Variants in KIF5B observed in about 807,000 individuals in gnomAD.
KIF5B encodes kinesin family member 5B.
KIF5B carries 49 observed loss-of-function variants against 132.8 expected under a neutral mutation model. The observed-to-expected ratio is 0.37, with a 90% CI of 0.29 to 0.47. The LOEUF (loss-of-function observed/expected upper bound fraction) is 0.47. Among genes scored for constraint, KIF5B ranks in the 20% least tolerant of loss-of-function variants. The pLI, the probability that KIF5B is intolerant of heterozygous loss-of-function variation, is 1.00. For synonymous variants in KIF5B, 355 were observed against 369.4 expected (o/e 0.96, Z 0.45); for missense variants, 780 against 1,144.0 (o/e 0.68, Z 4.59).
chr10:32,013,340 A>G (rs749078398), intron 25 of KIF5B, among the ~76,000 whole-genome samples: 7 of 152,254 alleles, frequency 4.6e-5, no homozygotes, highest in Non-Finnish European at 1.0e-4. Flanking sequence ...CATATTATCT[A>G]TGACATAACT....
intron 8 of KIF5B, among the ~76,000 whole-genome samples, chr10:32,036,912 G>A (rs187199894): frequency 1.6e-4 from 24 of 152,100 alleles, no homozygotes; most frequent in Non-Finnish European, 2.2e-4. Flanking sequence ...AGTTTTAATA[G>A]GGACCCCACT....
chr10:32,017,903 T>A (rs1222470619), intron 23 of KIF5B, 149 bp downstream of exon 23: 3 of 466,502 alleles, frequency 6.4e-6, no homozygotes, highest in Non-Finnish European at 1.2e-5. Flanking sequence ...CTCTAAAAGT[T>A]ACTTATGGTT....
intron 15 of KIF5B, among the ~76,000 whole-genome samples, chr10:32,026,200 C>T (rs1483285901): frequency 6.6e-6 from 1 of 151,962 alleles, no homozygotes; most frequent in Non-Finnish European, 1.5e-5. Flanking sequence ...TCTGGGAGGC[C>T]GAGGTGGGCA....
chr10:32,038,739 A>C (rs774161112), intron 5 of KIF5B, 39 bp downstream of exon 5: 12 of 1,065,710 alleles, frequency 1.1e-5, no homozygotes, highest in Non-Finnish European at 1.7e-5. Flanking sequence ...AGGAATTAAC[A>C]GATGTTATTT....
intron 1 of KIF5B, among the ~76,000 whole-genome samples, chr10:32,052,157 C>G (rs1841701642): frequency 6.6e-6 from 1 of 152,180 alleles, no homozygotes; most frequent in Non-Finnish European, 1.5e-5. Context: ...ATGAAGGACA[C>G]CCTTCTGGCA....
intron 1 of KIF5B, among the ~76,000 whole-genome samples, chr10:32,051,684 T>A (rs890822997): frequency 2.0e-5 from 3 of 152,194 alleles, no homozygotes; most frequent in African/African-American, 7.2e-5. Flanking sequence ...AACAGTCTTA[T>A]CTTGATTGCA....
chr10:32,022,853 A>T lies in KIF5B; in HGVS notation c.1909T>A (p.Ser637Thr). 1 of 1,602,934 alleles carries T rather than the reference A, an allele frequency of 6.2e-7. No homozygotes were observed. Among genetic ancestry groups the T allele is most frequent in the Non-Finnish European group, 8.5e-7 (1 of 1,172,526 alleles). ...KELAACQLRISQHEAKIKSLT... is the reference protein window; with the variant it reads ...KELAACQLRITQHEAKIKSLT... ...AACTTTGTTCTATAACATACTTGAGAGATACGAAGCTGACATGCTGCTAAC... is the reference window on the plus strand; with the variant it reads ...AACTTTGTTCTATAACATACTTGAGTGATACGAAGCTGACATGCTGCTAAC... The change falls in exon 16 of 26, where the codon TCT becomes ACT. Residue 637 changes from serine to threonine, a missense_variant. By Grantham distance (58) the Ser-to-Thr change is moderately conservative. Coordinates refer to ENST00000302418, the MANE Select transcript of KIF5B (RefSeq NM_004521.3).
chr10:32,047,546 C>G (rs1841629207), intron 2 of KIF5B, among the ~76,000 whole-genome samples: 1 of 152,126 alleles, frequency 6.6e-6, no homozygotes, highest in Non-Finnish European at 1.5e-5. Context: ...ACCTCTTCCC[C>G]CTTCCTCATC....
At chr10:32,055,377 C>T (rs896062062) in intron 1 of KIF5B, among the ~76,000 whole-genome samples, 4 of 152,102 alleles carry the variant, frequency 2.6e-5, no homozygotes, top group African/African-American at 9.7e-5. Context: ...GTTATGTTTC[C>T]ATAAAACTAA....
intron 12 of KIF5B, among the ~76,000 whole-genome samples, 190 bp from the exon 13 acceptor site, chr10:32,032,964 AT>A (rs1267274941): frequency 6.6e-6 from 1 of 152,258 alleles, no homozygotes; most frequent in Non-Finnish European, 1.5e-5. Context: ...ATCAATACTT[AT>A]AATGGTCATG....
At chr10:32,054,932 AAAC>A (rs1283804759) in intron 1 of KIF5B, among the ~76,000 whole-genome samples, 5 of 146,308 alleles carry the variant, frequency 3.4e-5, no homozygotes, top group East Asian at 3.8e-4. Flanking sequence ...TGGGATTACC[AAAC>A]AACAATTTTC....
At chr10:32,054,992 A>T (rs1035665374) in intron 1 of KIF5B, among the ~76,000 whole-genome samples, 3 of 152,194 alleles carry the variant, frequency 2.0e-5, no homozygotes, top group Non-Finnish European at 4.4e-5. Context: ...ATACTGGTCA[A>T]TTTTTATCTT....
At chr10:32,015,704 G>A (rs1256559015) in intron 24 of KIF5B, 45 bp from the exon 25 acceptor site, 1 of 1,503,004 alleles carries the variant, frequency 6.7e-7, no homozygotes. Context: ...AGTTTAAGAT[G>A]TGACTGCAAT....
intron 11 of KIF5B, among the ~76,000 whole-genome samples, 198 bp downstream of exon 11, chr10:32,034,492 C>A (rs1841439961): frequency 6.6e-6 from 1 of 152,172 alleles, no homozygotes; most frequent in African/African-American, 2.4e-5. Flanking sequence ...TTAATTAATT[C>A]TACTACTGAT....
Position 32,010,455 on chromosome 10 carries a change from GT to G in KIF5B, c.*1081del, listed in dbSNP as rs1235495765. On this transcript the variant is annotated 3_prime_UTR_variant, in exon 26 of 26. Transcript: ENST00000302418. ...ATTAGTGTACAAATTAGTGTAGCAG[GT>G]TAAAAACACCTCAGGGATTTCAGAC... 1.3e-5 allele frequency: 2 copies of G among 152,150 alleles called. No homozygotes were observed. Among genetic ancestry groups the G allele is most frequent in the African/African-American group, 4.8e-5 (2 of 41,454 alleles). 9.4% of individuals were successfully genotyped at this position (152,150 alleles called of 1,614,324 possible). A position where few individuals can be genotyped will look rare whatever the true frequency, so the allele number is the denominator to read the frequency against.
Position 32,039,380 on chromosome 10 carries a change from C to T in KIF5B, c.340G>A (p.Asp114Asn). The T allele has an allele frequency of 6.5e-7, 1 of 1,532,444 alleles. No individual in the cohort carries two copies. The highest frequency in any genetic ancestry group is 8.9e-7 in the Non-Finnish European group (1 of 1,127,248). The allele number at this position is 1,532,444 out of a possible 1,614,324, so 94.9% of individuals were successfully genotyped here. ...ATGGAGTAAATATAATTAAAAATATCTTGCACTATTCTTGGAATAATTCCC... is the reference window on the plus strand; with the variant it reads ...ATGGAGTAAATATAATTAAAAATATTTTGCACTATTCTTGGAATAATTCCC... Reference protein sequence around the residue: ...GMGIIPRIVQDIFNYIYSMDE... With the variant: ...GMGIIPRIVQNIFNYIYSMDE... The change falls in exon 4 of 26, where the codon GAT becomes AAT. Residue 114 changes from aspartate to asparagine, a missense_variant. By Grantham distance (23) the Asp-to-Asn change is conservative. This residue lies in a region of KIF5B where 76 missense variants were observed against 146.4 expected (regional missense o/e 0.52). Transcript: ENST00000302418.
At chr10:32,032,242 A>C (rs988366663) in intron 13 of KIF5B, among the ~76,000 whole-genome samples, 1 of 152,172 alleles carries the variant, frequency 6.6e-6, no homozygotes, top group African/African-American at 2.4e-5. Context: ...GCAAAATATC[A>C]ATAGTGCCCC....
At chr10:32,052,201 G>C (rs1036610314) in intron 1 of KIF5B, among the ~76,000 whole-genome samples, 21 of 152,176 alleles carry the variant, frequency 1.4e-4, no homozygotes, top group Non-Finnish European at 2.6e-4. Flanking sequence ...CTGAATAGCG[G>C]ATCATTTCAG....
At chr10:32,028,296 A>AT (rs1841358331) in intron 15 of KIF5B, 132 bp downstream of exon 15, 1 of 677,230 alleles carries the variant, frequency 1.5e-6, no homozygotes, top group East Asian at 2.8e-5. Context: ...AATGCGGTTA[A>AT]TAACATCTAC....
Sources: allele counts gnomAD v4.1 joint callset (sites outside exome capture counted in the v4.1 genomes callset), GRCh38; gene constraint gnomAD v4.1.1; regional missense constraint gnomAD v4.1.1; transcripts MANE v1.5; gene names NCBI Gene and HGNC (gene_info 2026-07-23, HGNC 2026-07-21).